NR5A2: variants seen among roughly 807,000 people sequenced by gnomAD.
NR5A2 encodes CYP7A promoter-binding factor.
Under a neutral mutation model 62.7 loss-of-function variants are expected in NR5A2, and 26 were observed. The observed-to-expected ratio is 0.41, with a 90% CI of 0.30 to 0.58. The LOEUF is 0.58. Among genes scored for constraint, NR5A2 ranks in the 20% least tolerant of loss-of-function variants. The pLI is 0.22. For synonymous variants in NR5A2, 246 were observed against 241.7 expected (o/e 1.02, Z -0.16); for missense variants, 541 against 669.1 (o/e 0.81, Z 2.11).
At position 200,147,764 on chromosome 1, in the gene NR5A2, G is replaced by T; in HGVS notation, c.1379-26199G>T. ...ACGGTGAAGACGCGGATGCCGGCGC[G>T]AATGCCGGCACGGATGCCGGCACGG... On this transcript the variant is annotated intron_variant, in intron 7 of 7. Coordinates refer to ENST00000367362, the MANE Select transcript of NR5A2 (RefSeq NM_205860.3). The surrounding 1 kb of genome is among the most constrained non-coding windows in gnomAD (Gnocchi z 4.9). 2.0e-6 allele frequency: 1 copy of T among 505,040 alleles called. No individual in the cohort carries two copies. Among genetic ancestry groups the T allele is most frequent in the Non-Finnish European group, 3.7e-6 (1 of 267,886 alleles). The allele number at this position is 505,040 out of a possible 1,614,324, so 31.3% of individuals were successfully genotyped here.
chr1:200,101,893 A>C (rs1665388227), intron 5 of NR5A2, among the ~76,000 whole-genome samples: 1 of 152,216 alleles, frequency 6.6e-6, no homozygotes, highest in Admixed American at 6.5e-5. Flanking sequence ...TGGTTTGATA[A>C]ATTCTGAGAA....
At chr1:200,129,792 T>C (rs1483807794) in intron 7 of NR5A2, among the ~76,000 whole-genome samples, 4 of 152,170 alleles carry the variant, frequency 2.6e-5, no homozygotes, top group Non-Finnish European at 4.4e-5. Flanking sequence ...GATCACCTGA[T>C]GATTGGCCAT....
chr1:200,140,150 GTATT>G lies in NR5A2; in HGVS notation c.1378+19201_1378+19204del, dbSNP rs142291181. Among the ~76,000 whole-genome samples, 3,094 of 152,152 alleles carry G rather than the reference GTATT, an allele frequency of 0.02. 207 individuals carry two copies. In the East Asian group the frequency reaches 0.25, roughly 12 times the overall value. Reference sequence around the variant, plus strand: ...GACACAGTCTCAATTTTAGATGTCAGTATTTATTTCTTTATATCATTATTGATAA... The same window carrying G: ...GACACAGTCTCAATTTTAGATGTCAGTATTTCTTTATATCATTATTGATAA... On this transcript the variant is annotated intron_variant, in intron 7 of 7. Transcript: ENST00000367362.
intron 5 of NR5A2, among the ~76,000 whole-genome samples, chr1:200,068,891 A>G (rs1294580778): frequency 1.3e-5 from 2 of 152,236 alleles, no homozygotes; most frequent in Non-Finnish European, 2.9e-5. Context: ...ATTTAAGTCT[A>G]TACTACCCAA....
In NR5A2 at chr1:200,039,862, T is replaced by C; in HGVS notation, c.202+67T>C. 6.6e-7 allele frequency: 1 copy of C among 1,504,020 alleles called. No homozygotes were observed. The highest frequency in any genetic ancestry group is 1.3e-5 in the South Asian group (1 of 79,190). The allele number at this position is 1,504,020 out of a possible 1,614,324, so 93.2% of individuals were successfully genotyped here. ...CCACCCCCGGGCTCGCCCTGCAGGC[T>C]TCAGCCTCCCGCCCCGCGCGGGCGC... On this transcript the variant is annotated intron_variant, in intron 2 of 7. Transcript: ENST00000367362. This position sits in a 1 kb window ranked among gnomAD's most constrained non-coding sequence, Gnocchi z 5.1.
At chr1:200,038,920 C>A (rs1403068197) in intron 1 of NR5A2, 2 of 398,278 alleles carry the variant, frequency 5.0e-6, no homozygotes, top group South Asian at 2.1e-5. Context: ...GACCTGAGTC[C>A]GGAACCCGCG....
At chr1:200,045,830 C>T (rs562137158) in intron 4 of NR5A2, among the ~76,000 whole-genome samples, 1 of 151,854 alleles carries the variant, frequency 6.6e-6, no homozygotes, top group Non-Finnish European at 1.5e-5. Flanking sequence ...TTTTTTTAGT[C>T]TGGGGAGCAG....
At chr1:200,159,636 A>G (rs990020253) in intron 7 of NR5A2, among the ~76,000 whole-genome samples, 1 of 135,804 alleles carries the variant, frequency 7.4e-6, no homozygotes, top group African/African-American at 2.7e-5. Context: ...GATTTTTTAA[A>G]TTATTTATTA....
chr1:200,086,892 A>T (rs1664554749), intron 5 of NR5A2, among the ~76,000 whole-genome samples: 1 of 152,090 alleles, frequency 6.6e-6, no homozygotes, highest in Admixed American at 6.6e-5. Flanking sequence ...TACAAAAATT[A>T]GCTGGGAATG....
intron 5 of NR5A2, among the ~76,000 whole-genome samples, chr1:200,058,634 A>G (rs1041303627): frequency 6.6e-6 from 1 of 151,646 alleles, no homozygotes; most frequent in African/African-American, 2.4e-5. Context: ...ACACGCCACC[A>G]TGCCCTGCTA....
At chr1:200,088,273 C>T (rs1258190008) in intron 5 of NR5A2, among the ~76,000 whole-genome samples, 1 of 150,964 alleles carries the variant, frequency 6.6e-6, no homozygotes, top group Non-Finnish European at 1.5e-5. Flanking sequence ...AACTCCTCTC[C>T]ATCTCATCCC....
chr1:200,043,731 T>A (rs1038653952), intron 2 of NR5A2, 43 bp from the exon 3 acceptor site: 4 of 1,273,590 alleles, frequency 3.1e-6, no homozygotes, highest in Non-Finnish European at 4.5e-6. Context: ...CACCTACATG[T>A]AAATTAATTG....
At position 200,149,788 on chromosome 1, in the gene NR5A2, A is replaced by G. The variant is rs181395955; in HGVS notation, c.1379-24175A>G. Reference sequence around the variant, plus strand: ...CTTTTATATCCCAACTGTACTTAGCACAAGACTAACCATACAGTAGGTATC... The same window carrying G: ...CTTTTATATCCCAACTGTACTTAGCGCAAGACTAACCATACAGTAGGTATC... On this transcript the variant is annotated intron_variant, in intron 7 of 7. Transcript: ENST00000367362. Among the ~76,000 whole-genome samples, 409 of 152,312 alleles carry G rather than the reference A, an allele frequency of 2.7e-3. 1 individual carries two copies. Among genetic ancestry groups the G allele is most frequent in the Non-Finnish European group, 4.3e-3 (294 of 68,030 alleles).
chr1:200,128,479 C>A (rs1243659834), intron 7 of NR5A2, among the ~76,000 whole-genome samples: 1 of 152,110 alleles, frequency 6.6e-6, no homozygotes, highest in Non-Finnish European at 1.5e-5. Flanking sequence ...TTCTTTGGAC[C>A]ATTCACTAGA....
chr1:200,076,794 CAT>C (rs1253927102), intron 5 of NR5A2, among the ~76,000 whole-genome samples: 6 of 152,210 alleles, frequency 3.9e-5, no homozygotes, highest in South Asian at 4.1e-4. Context: ...TAAGTAGAAA[CAT>C]ATTTTTTGGT....
At chr1:200,107,545 C>G (rs1571489370) in intron 5 of NR5A2, among the ~76,000 whole-genome samples, 3 of 152,172 alleles carry the variant, frequency 2.0e-5, no homozygotes, top group African/African-American at 7.2e-5. Context: ...TCACCTATTC[C>G]TGCAATTTTT....
rs11810280 is a variant in NR5A2, at chr1:200,079,131, G to A, written c.1110+30313G>A. 1.7e-3 allele frequency among the ~76,000 whole-genome samples: 262 copies of A among 152,258 alleles called. 1 individual carries two copies. Among genetic ancestry groups the A allele is most frequent in the African/African-American group, 5.8e-3 (240 of 41,550 alleles). Reference sequence around the variant, plus strand: ...AGGGAGTCTCTGGGCTACCTTTTCTGTTTCACCAGAACAAATGTTATTGAT... The same window carrying A: ...AGGGAGTCTCTGGGCTACCTTTTCTATTTCACCAGAACAAATGTTATTGAT... On this transcript the variant is annotated intron_variant, in intron 5 of 7. Transcript: ENST00000367362.
chr1:200,107,058 A>C (rs992449568), intron 5 of NR5A2, among the ~76,000 whole-genome samples: 2 of 152,216 alleles, frequency 1.3e-5, no homozygotes, highest in Non-Finnish European at 2.9e-5. Flanking sequence ...TAAAATTAAC[A>C]ATCAGTCAAG....
intron 5 of NR5A2, among the ~76,000 whole-genome samples, chr1:200,055,468 C>A (rs1038752132): frequency 6.6e-6 from 1 of 151,998 alleles, no homozygotes; most frequent in African/African-American, 2.4e-5. Context: ...AGTTTACAGG[C>A]GTGAACCACT....
Sources: allele counts gnomAD v4.1 joint callset (sites outside exome capture counted in the v4.1 genomes callset), GRCh38; gene constraint gnomAD v4.1.1; non-coding constraint Gnocchi (gnomAD v3.1); transcripts MANE v1.5; gene names NCBI Gene and HGNC (gene_info 2026-07-23, HGNC 2026-07-21).